The following ADAM10 variants were observed in gnomAD, a reference collection of about 807,000 sequenced individuals.
ADAM10 encodes the protein disintegrin and metalloproteinase domain-containing protein 10.
Under a neutral mutation model 90.1 loss-of-function variants are expected in ADAM10, and 17 were observed. That is an observed-to-expected ratio of 0.19 (90% CI 0.13 to 0.28). ADAM10 has a LOEUF of 0.28. ADAM10 is among the 10% of genes least tolerant of loss of function. ADAM10 has a pLI of 1.00. For synonymous variants in ADAM10, 310 were observed against 298.6 expected (o/e 1.04, Z -0.40); for missense variants, 610 against 914.3 (o/e 0.67, Z 4.29).
intron 4 of ADAM10, among the ~76,000 whole-genome samples, chr15:58,670,399 G>A (rs1242313349): frequency 2.0e-5 from 3 of 151,956 alleles, no homozygotes; most frequent in Admixed American, 6.6e-5. Flanking sequence ...TTAATCTTAA[G>A]GAAATAACCA....
At chr15:58,682,113 A>G in intron 3 of ADAM10, 83 bp downstream of exon 3, 1 of 1,575,862 alleles carries the variant, frequency 6.3e-7, no homozygotes. Flanking sequence ...CTTTTCTGAA[A>G]TATTTGCTTA....
At chr15:58,608,781 T>C (rs1473837229) in intron 14 of ADAM10, among the ~76,000 whole-genome samples, 2 of 152,144 alleles carry the variant, frequency 1.3e-5, no homozygotes, top group African/African-American at 4.8e-5. Context: ...TGAAAATAAA[T>C]GGGCTTTTGA....
chr15:58,634,214 A>G (rs1264061322), intron 8 of ADAM10, among the ~76,000 whole-genome samples: 2 of 151,834 alleles, frequency 1.3e-5, no homozygotes, highest in African/African-American at 4.8e-5. Context: ...GGGCAGGAGA[A>G]TTGCCTGAAC....
chr15:58,715,749 C>T (rs1409666633), intron 2 of ADAM10, among the ~76,000 whole-genome samples: 3 of 152,334 alleles, frequency 2.0e-5, no homozygotes, highest in African/African-American at 7.2e-5. Flanking sequence ...TGCTCTCTCT[C>T]ACTCACTGAC....
intron 2 of ADAM10, among the ~76,000 whole-genome samples, chr15:58,684,090 G>A (rs553742181): frequency 3.3e-5 from 5 of 152,200 alleles, no homozygotes; most frequent in Admixed American, 2.0e-4. Flanking sequence ...ACCTCACACA[G>A]TATAAATTCT....
intron 1 of ADAM10, among the ~76,000 whole-genome samples, chr15:58,733,740 T>C (rs1595666698): frequency 6.6e-6 from 1 of 152,158 alleles, no homozygotes; most frequent in East Asian, 1.9e-4. Flanking sequence ...TGGCCTTTTA[T>C]TGGTTCTGCT....
chr15:58,685,529 C>T (rs1206423274), intron 2 of ADAM10, among the ~76,000 whole-genome samples: 1 of 119,474 alleles, frequency 8.4e-6, no homozygotes, highest in African/African-American at 2.9e-5. Context: ...TTTTTAAAAA[C>T]AAGAATATGA....
intron 9 of ADAM10, 98 bp from the exon 10 acceptor site, chr15:58,627,981 G>T: frequency 1.7e-6 from 2 of 1,176,566 alleles, no homozygotes; most frequent in Non-Finnish European, 2.5e-6. Context: ...AACAATGGAA[G>T]CTTGTGGACT....
chr15:58,591,303 C>T lies in ADAM10; in HGVS notation c.*6244G>A, dbSNP rs1010196326. On this transcript the variant is annotated 3_prime_UTR_variant, in exon 16 of 16. Coordinates refer to ENST00000260408, the MANE Select transcript of ADAM10 (RefSeq NM_001110.4). The stretch of plus-strand genomic sequence containing the variant: ...TATAATTATGTTAGCTTGACTGGTT[C>T]AAGTTTAATTCCACTAAAACAATCA... 2.0e-5 allele frequency: 3 copies of T among 152,116 alleles called. No homozygotes were observed. The highest frequency in any genetic ancestry group is 4.4e-5 in the Non-Finnish European group (3 of 68,038). 9.4% of individuals were successfully genotyped at this position (152,116 alleles called of 1,614,324 possible). A position where few individuals can be genotyped will look rare whatever the true frequency, so the allele number is the denominator to read the frequency against.
chr15:58,637,520 C>T (rs764424554), intron 8 of ADAM10, among the ~76,000 whole-genome samples: 17 of 152,110 alleles, frequency 1.1e-4, no homozygotes, highest in African/African-American at 2.9e-4. Flanking sequence ...TCCCATTATG[C>T]CATGACAATT....
chr15:58,633,096 C>T lies in ADAM10; in HGVS notation c.1176+100G>A, dbSNP rs1896147023. ...TGCTCTGACATAAAAACTAAACACT[C>T]GTAAGTACATTTGTTTTCACGGTGA... On this transcript the variant is annotated intron_variant, in intron 9 of 15. Coordinates refer to ENST00000260408, the MANE Select transcript of ADAM10 (RefSeq NM_001110.4). The T allele has an allele frequency of 1.5e-5, 17 of 1,160,412 alleles. 1 individual carries two copies. The South Asian group carries it at 1.6e-4, about 11-fold the overall frequency. The allele number at this position is 1,160,412 out of a possible 1,614,324, so 71.9% of individuals were successfully genotyped here.
intron 14 of ADAM10, among the ~76,000 whole-genome samples, chr15:58,601,843 A>G (rs565432849): frequency 6.6e-6 from 1 of 152,174 alleles, no homozygotes; most frequent in Non-Finnish European, 1.5e-5. Flanking sequence ...ATGTCCTTCA[A>G]TTTGGGTTCC....
chr15:58,665,267 A>C, intron 4 of ADAM10, 70 bp from the exon 5 acceptor site: 1 of 1,235,950 alleles, frequency 8.1e-7, no homozygotes, highest in South Asian at 1.2e-5. Context: ...TGAGAATTAC[A>C]AGTAAAAATT....
intron 10 of ADAM10, among the ~76,000 whole-genome samples, chr15:58,622,923 C>A (rs1408869380): frequency 6.6e-6 from 1 of 152,102 alleles, no homozygotes. Context: ...ACCATATATC[C>A]CAGTATAGGC....
chr15:58,642,292 C>A (rs577093217), intron 7 of ADAM10, among the ~76,000 whole-genome samples: 1 of 152,034 alleles, frequency 6.6e-6, no homozygotes, highest in South Asian at 2.1e-4. Context: ...ATGGTGAAAC[C>A]CTGTATCTAC....
intron 1 of ADAM10, among the ~76,000 whole-genome samples, chr15:58,745,975 A>G (rs1448866091): frequency 6.6e-6 from 1 of 152,226 alleles, no homozygotes; most frequent in Non-Finnish European, 1.5e-5. Flanking sequence ...GCTCAAACTT[A>G]AAGACACTGT....
In ADAM10 at chr15:58,589,528, T is replaced by C. The variant is rs1229585132; in HGVS notation, c.*8019A>G. The C allele has an allele frequency of 6.6e-6, 1 of 152,278 alleles. No homozygotes were observed. Among genetic ancestry groups the C allele is most frequent in the African/African-American group, 2.4e-5 (1 of 41,456 alleles). 9.4% of individuals were successfully genotyped at this position (152,278 alleles called of 1,614,324 possible). A position where few individuals can be genotyped will look rare whatever the true frequency, so the allele number is the denominator to read the frequency against. ...ACAAACCCCTCTGTACTGTAACTGC[T>C]GGTTTCTTTCCTTCCGCTAGACCCT... On this transcript the variant is annotated 3_prime_UTR_variant, in exon 16 of 16. Coordinates refer to ENST00000260408, the MANE Select transcript of ADAM10 (RefSeq NM_001110.4).
At chr15:58,610,275 T>C (rs759683651) in intron 14 of ADAM10, 22 bp downstream of exon 14, 6 of 1,606,514 alleles carry the variant, frequency 3.7e-6, no homozygotes, top group Non-Finnish European at 5.1e-6. Context: ...AAGTTTTCTT[T>C]GTAAATAAAA....
chr15:58,747,963 G>T (rs922922042), intron 1 of ADAM10: 2 of 152,054 alleles, frequency 1.3e-5, no homozygotes, highest in African/African-American at 4.8e-5. Flanking sequence ...CACAAAAAGT[G>T]AAAAAAGATA....
Sources: allele counts gnomAD v4.1 joint callset (sites outside exome capture counted in the v4.1 genomes callset), GRCh38; gene constraint gnomAD v4.1.1; transcripts MANE v1.5; gene names NCBI Gene and HGNC (gene_info 2026-07-23, HGNC 2026-07-21).